The following WDR7 variants were observed in gnomAD, a reference collection of about 807,000 sequenced individuals.
WDR7 encodes the protein WD repeat domain 7.
In WDR7, 46 loss-of-function variants were observed where a neutral mutation model predicts 169.4. The observed-to-expected ratio is 0.27, with a 90% confidence interval of 0.21 to 0.35. The LOEUF is 0.35. Among genes scored for constraint, WDR7 ranks in the 10% least tolerant of loss-of-function variants. WDR7 has a pLI of 1.00. For synonymous variants in WDR7, 612 were observed against 666.8 expected (o/e 0.92, Z 1.27); for missense variants, 1,534 against 1,859.3 (o/e 0.83, Z 3.22).
At chr18:56,695,425 T>C (rs919058652) in intron 11 of WDR7, among the ~76,000 whole-genome samples, 1 of 152,216 alleles carries the variant, frequency 6.6e-6, no homozygotes, top group African/African-American at 2.4e-5. Context: ...ATTTTATCTC[T>C]TTGAGATATG....
At chr18:56,698,529 C>A (rs1384740621) in intron 12 of WDR7, among the ~76,000 whole-genome samples, 2 of 151,606 alleles carry the variant, frequency 1.3e-5, no homozygotes, top group East Asian at 1.9e-4. Flanking sequence ...TGGCGTGAAC[C>A]CAGGAGGTGG....
At chr18:56,886,284 C>G (rs1423628735) in intron 21 of WDR7, among the ~76,000 whole-genome samples, 1 of 152,150 alleles carries the variant, frequency 6.6e-6, no homozygotes, top group South Asian at 2.1e-4. Flanking sequence ...GATTTCTCAG[C>G]AGAAGCCCTA....
At chr18:56,842,521 A>G (rs1408272035) in intron 20 of WDR7, among the ~76,000 whole-genome samples, 3 of 152,210 alleles carry the variant, frequency 2.0e-5, no homozygotes, top group Non-Finnish European at 2.9e-5. Flanking sequence ...AAGGTTTGAT[A>G]TTACAGTAAA....
intron 26 of WDR7, among the ~76,000 whole-genome samples, chr18:56,963,921 G>A (rs546159274): frequency 1.3e-5 from 2 of 151,100 alleles, no homozygotes; most frequent in East Asian, 3.9e-4. Flanking sequence ...TAAACCACAA[G>A]CATCTACCAG....
chr18:56,681,511 A>G (rs1188022422), intron 4 of WDR7, 120 bp downstream of exon 4: 3 of 584,736 alleles, frequency 5.1e-6, no homozygotes, highest in African/African-American at 4.0e-5. Flanking sequence ...TAACAAGACA[A>G]GAAAACTAGA....
chr18:56,815,833 T>C (rs984368994), intron 19 of WDR7, among the ~76,000 whole-genome samples, 198 bp from the exon 20 acceptor site: 1 of 152,240 alleles, frequency 6.6e-6, no homozygotes. Context: ...TACATACCCA[T>C]GTACATATAT....
chr18:56,963,839 A>G (rs948373863), intron 26 of WDR7, among the ~76,000 whole-genome samples: 1 of 151,922 alleles, frequency 6.6e-6, no homozygotes, highest in African/African-American at 2.4e-5. Context: ...TTCAGATAGC[A>G]TTTTCAGATT....
At chr18:56,714,594 A>G (rs559180017) in intron 12 of WDR7, among the ~76,000 whole-genome samples, 1 of 151,650 alleles carries the variant, frequency 6.6e-6, no homozygotes, top group South Asian at 2.1e-4. Flanking sequence ...TTGTATTTTT[A>G]GTAGAGATGG....
chr18:56,758,947 A>G lies in WDR7; in HGVS notation c.2842A>G (p.Lys948Glu). 1.2e-6 allele frequency: 2 copies of G among 1,610,152 alleles called. No homozygotes were observed. Among genetic ancestry groups the G allele is most frequent in the Non-Finnish European group, 1.7e-6 (2 of 1,177,968 alleles). The stretch of plus-strand genomic sequence containing the variant: ...CAGTAATATTGTGCAAGGACAGATT[A>G]AACAAGGTAAAATTAAATCTTATTA... ...TSSNIVQGQI[K>E]QVAAPVVSAR... Residue 948 changes from lysine to glutamate, a missense_variant, in exon 16 of 28, where the codon AAA becomes GAA. Lys to Glu is a moderately conservative substitution (Grantham distance 56). Coordinates refer to ENST00000254442, the MANE Select transcript of WDR7 (RefSeq NM_015285.3).
intron 26 of WDR7, among the ~76,000 whole-genome samples, chr18:56,967,567 TGGTTTG>T (rs1167828016): frequency 6.6e-6 from 1 of 151,702 alleles, no homozygotes; most frequent in Admixed American, 6.6e-5. Context: ...TATTTGCCTT[TGGTTTG>T]GCAGACTTGA....
intron 19 of WDR7, among the ~76,000 whole-genome samples, chr18:56,790,894 A>AC (rs1599046057): frequency 6.6e-6 from 1 of 152,012 alleles, no homozygotes; most frequent in Admixed American, 6.6e-5. Flanking sequence ...ACCTGAATTG[A>AC]CCCCAGCAAG....
At chr18:56,999,004 A>T (rs77246675) in intron 26 of WDR7, among the ~76,000 whole-genome samples, 3,512 of 152,296 alleles carry the variant, frequency 0.023, 132 homozygotes, top group African/African-American at 0.08. Flanking sequence ...ATAATGTGTC[A>T]TATATAAGGT....
chr18:56,718,268 G>T, intron 13 of WDR7, 109 bp downstream of exon 13: 2 of 1,156,708 alleles, frequency 1.7e-6, no homozygotes, highest in Non-Finnish European at 2.4e-6. Context: ...ATGTAAAATA[G>T]TTGCTACTTT....
intron 14 of WDR7, among the ~76,000 whole-genome samples, chr18:56,739,761 G>A (rs1046638225): frequency 6.6e-6 from 1 of 151,864 alleles, no homozygotes; most frequent in East Asian, 1.9e-4. Context: ...CTTTTTTTGG[G>A]GGGGGGAATA....
chr18:56,788,455 G>A (rs1291771566), intron 19 of WDR7, among the ~76,000 whole-genome samples: 2 of 152,072 alleles, frequency 1.3e-5, no homozygotes, highest in African/African-American at 4.8e-5. Flanking sequence ...AGTGTTGTAG[G>A]GGTGTGGATG....
intron 14 of WDR7, among the ~76,000 whole-genome samples, chr18:56,734,740 T>C (rs2026662734): frequency 6.6e-6 from 1 of 152,142 alleles, no homozygotes; most frequent in Non-Finnish European, 1.5e-5. Context: ...AAAACACTTT[T>C]CCCTTTGTAT....
At chr18:56,846,416 C>T (rs1024615625) in intron 20 of WDR7, among the ~76,000 whole-genome samples, 9 of 152,118 alleles carry the variant, frequency 5.9e-5, no homozygotes, top group Non-Finnish European at 1.0e-4. Context: ...ATAAGTCTCA[C>T]GAGATCCCAT....
At chr18:56,740,875 C>G (rs2043610923) in intron 14 of WDR7, among the ~76,000 whole-genome samples, 1 of 152,158 alleles carries the variant, frequency 6.6e-6, no homozygotes, top group Non-Finnish European at 1.5e-5. Flanking sequence ...TCCCTCCCTT[C>G]TCTCTAGGAT....
At chr18:56,820,382 C>G (rs1458032837) in intron 20 of WDR7, among the ~76,000 whole-genome samples, 1 of 118,474 alleles carries the variant, frequency 8.4e-6, no homozygotes, top group Non-Finnish European at 1.6e-5. Context: ...GATACTAGAT[C>G]AGCAGCACAG....
Sources: allele counts gnomAD v4.1 joint callset (sites outside exome capture counted in the v4.1 genomes callset), GRCh38; gene constraint gnomAD v4.1.1; transcripts MANE v1.5; gene names NCBI Gene and HGNC (gene_info 2026-07-23, HGNC 2026-07-21).